Variants in GET4 observed in about 807,000 individuals in gnomAD.
GET4 encodes the protein Golgi to ER traffic protein 4 homolog.
GET4 carries 20 observed loss-of-function variants against 40.0 expected under a neutral mutation model. The observed-to-expected ratio is 0.50, with a 90% CI of 0.35 to 0.73. The LOEUF (loss-of-function observed/expected upper bound fraction) is 0.73. GET4 is among the 30% of genes least tolerant of loss of function. GET4 has a pLI of 0.01. For missense variants in GET4, 557 were observed against 454.0 expected, an observed-to-expected ratio of 1.23 and a Z score of -2.06; for synonymous variants, 280 against 194.6, an observed-to-expected ratio of 1.44 and a Z score of -3.65.
chr7:892,328 A>G lies in GET4; in HGVS notation c.656A>G (p.Tyr219Cys). 2 of 1,596,186 alleles carry G rather than the reference A, an allele frequency of 1.3e-6. No homozygotes were observed. Among genetic ancestry groups the G allele is most frequent in the Non-Finnish European group, 1.7e-6 (2 of 1,164,894 alleles). The change falls in exon 6 of 9, where the codon TAC becomes TGC. Residue 219 changes from tyrosine (Y) to cysteine (C), a missense_variant. Coordinates refer to ENST00000265857, the MANE Select transcript of GET4 (RefSeq NM_015949.3). ...KSSASVVFTT[Y>C]TQKHPSIEDG... Reference sequence around the variant, plus strand: ...AGCGCATCGGTGGTCTTCACGACGTACACCCAGAAGCACCCGTCCATCGAG... The same window carrying G: ...AGCGCATCGGTGGTCTTCACGACGTGCACCCAGAAGCACCCGTCCATCGAG...
rs1377111309 is a variant in GET4, at chr7:895,573, T to G, written c.*151T>G. 1 of 511,170 alleles carries G rather than the reference T, an allele frequency of 2.0e-6. No homozygotes were observed. Among genetic ancestry groups the G allele is most frequent in the Non-Finnish European group, 3.5e-6 (1 of 283,838 alleles). The allele number at this position is 511,170 out of a possible 1,614,324, so 31.7% of individuals were successfully genotyped here. Reference sequence around the variant, plus strand: ...CGCGTGTCTGTTTCTGTGCGGCGGCTCAGGGTGGCGCGGCTGCTGCTCACT... The same window carrying G: ...CGCGTGTCTGTTTCTGTGCGGCGGCGCAGGGTGGCGCGGCTGCTGCTCACT... On this transcript the variant is annotated 3_prime_UTR_variant, in exon 9 of 9. Transcript: ENST00000265857.
chr7:891,022 C>T lies in GET4; in HGVS notation c.561C>T (p.Gly187=). The change falls in exon 5 of 9, where the codon GGC becomes GGT. Residue 187 remains glycine (G), a synonymous_variant. Transcript: ENST00000265857. The part of the protein sequence containing the change: ...NMLVEYSTSR[G]FRSEVDMFVA... Reference sequence around the variant, plus strand: ...TGGTGGAGTATTCCACGTCCCGCGGCTTCCGCAGCGAGGTGGACATGTTCG... The same window carrying T: ...TGGTGGAGTATTCCACGTCCCGCGGTTTCCGCAGCGAGGTGGACATGTTCG... 6.2e-7 allele frequency: 1 copy of T among 1,611,148 alleles called. No individual in the cohort carries two copies. Among genetic ancestry groups the T allele is most frequent in the Non-Finnish European group, 8.5e-7 (1 of 1,177,756 alleles).
Position 895,317 on chromosome 7 carries a change from G to GGT in GET4, c.896-14_896-13dup. 1 of 1,379,216 alleles carries GGT rather than the reference G, an allele frequency of 7.3e-7. No individual in the cohort carries two copies. Among genetic ancestry groups the GGT allele is most frequent in the South Asian group, 1.2e-5 (1 of 84,320 alleles). The allele number at this position is 1,379,216 out of a possible 1,614,324, so 85.4% of individuals were successfully genotyped here. A position where few individuals can be genotyped will look rare whatever the true frequency, so the allele number is the denominator to read the frequency against. ...GAGGCTGCCCAGGCGTGACTGCCAC[G>GGT]GTGTTCTTCTTTCCAGGGAACCTTC... is the stretch of plus-strand genomic sequence containing the variant. On this transcript the variant is annotated splice_polypyrimidine_tract_variant and intron_variant, in intron 8 of 8. Coordinates refer to ENST00000265857, the MANE Select transcript of GET4 (RefSeq NM_015949.3).
At chr7:890,832 A>T in intron 4 of GET4, 96 bp from the exon 5 acceptor site, 1 of 995,456 alleles carries the variant, frequency 1.0e-6, no homozygotes, top group Admixed American at 1.8e-5. Flanking sequence ...CAGGGCGGGC[A>T]GGTGGGCTAG....
intron 1 of GET4, 192 bp from the exon 2 acceptor site, chr7:885,864 A>T: frequency 1.7e-6 from 1 of 596,334 alleles, no homozygotes; most frequent in Non-Finnish European, 3.0e-6. Flanking sequence ...GAGGCGCCCC[A>T]TGCAGCCCTC....
chr7:892,936 CGT>C (rs1404848292), intron 6 of GET4, among the ~76,000 whole-genome samples: 2 of 148,604 alleles, frequency 1.3e-5, no homozygotes, highest in African/African-American at 5.0e-5. Context: ...TGGGTATAGA[CGT>C]GGCATGGGTT....
At chr7:877,931 C>T (rs1257964468) in intron 1 of GET4, 10 of 136,788 alleles carry the variant, frequency 7.3e-5, no homozygotes. Context: ...TCCCCCCTGG[C>T]CTCCACCTGT....
At chr7:891,276 C>G (rs1227705632) in intron 5 of GET4, among the ~76,000 whole-genome samples, 1 of 152,246 alleles carries the variant, frequency 6.6e-6, no homozygotes, top group African/African-American at 2.4e-5. Flanking sequence ...TCCCCCTTTC[C>G]CGACGGGCAC....
chr7:895,317 G>A lies in GET4; in HGVS notation c.896-17G>A, dbSNP rs375274038. Reference sequence around the variant, plus strand: ...GAGGCTGCCCAGGCGTGACTGCCACGGTGTTCTTCTTTCCAGGGAACCTTC... The same window carrying A: ...GAGGCTGCCCAGGCGTGACTGCCACAGTGTTCTTCTTTCCAGGGAACCTTC... On this transcript the variant is annotated splice_polypyrimidine_tract_variant and intron_variant, in intron 8 of 8. Coordinates refer to ENST00000265857, the MANE Select transcript of GET4 (RefSeq NM_015949.3). 5.9e-5 allele frequency: 81 copies of A among 1,379,216 alleles called. No individual in the cohort carries two copies. The highest frequency in any genetic ancestry group is 1.8e-4 in the Middle Eastern group (1 of 5,608). 85.4% of individuals were successfully genotyped at this position (1,379,216 alleles called of 1,614,324 possible). A position where few individuals can be genotyped will look rare whatever the true frequency, so the allele number is the denominator to read the frequency against.
At chr7:887,118 C>G (rs1844206744) in intron 3 of GET4, 1 of 662,282 alleles carries the variant, frequency 1.5e-6, no homozygotes, top group Non-Finnish European at 2.8e-6. Flanking sequence ...ACTCCAGCTC[C>G]CCACGGCACC....
Position 876,811 on chromosome 7 carries a change from C to G in GET4, c.155+11C>G. Reference sequence around the variant, plus strand: ...GACCCTGTTCTTCAGGTACCCGCGCCCGGCCCTCGCCGCAGCCCAGCGCCC... The same window carrying G: ...GACCCTGTTCTTCAGGTACCCGCGCGCGGCCCTCGCCGCAGCCCAGCGCCC... On this transcript the variant is annotated intron_variant, in intron 1 of 8. Coordinates refer to ENST00000265857, the MANE Select transcript of GET4 (RefSeq NM_015949.3). The G allele has an allele frequency of 8.5e-7, 1 of 1,175,616 alleles. No individual in the cohort carries two copies. The highest frequency in any genetic ancestry group is 3.2e-5 in the South Asian group (1 of 30,908). The allele number at this position is 1,175,616 out of a possible 1,614,324, so 72.8% of individuals were successfully genotyped here.
Position 896,185 on chromosome 7 carries a change from C to G in GET4, c.*763C>G, listed in dbSNP as rs1165709607. ...TTGGGTGATGATTGATTCTTTCGAC[C>G]TAACATTTTGGGTTTTAACCAAATA... On this transcript the variant is annotated 3_prime_UTR_variant, in exon 9 of 9. Transcript: ENST00000265857. 6.6e-6 allele frequency: 1 copy of G among 152,246 alleles called. No individual in the cohort carries two copies. Among genetic ancestry groups the G allele is most frequent in the South Asian group, 2.1e-4 (1 of 4,836 alleles). 9.4% of individuals were successfully genotyped at this position (152,246 alleles called of 1,614,324 possible). A position where few individuals can be genotyped will look rare whatever the true frequency, so the allele number is the denominator to read the frequency against.
chr7:884,232 G>A (rs974754417), intron 1 of GET4: 32 of 1,303,896 alleles, frequency 2.5e-5, no homozygotes, highest in Non-Finnish European at 3.0e-5. Context: ...CCCCACTGGC[G>A]GCATCGTGAG....
intron 6 of GET4, among the ~76,000 whole-genome samples, chr7:893,179 TGA>T (rs1844374223): frequency 7.3e-6 from 1 of 137,814 alleles, no homozygotes; most frequent in Non-Finnish European, 1.5e-5. Flanking sequence ...TGTTTGCAGG[TGA>T]GTGTTGGGCG....
intron 8 of GET4, among the ~76,000 whole-genome samples, 190 bp from the exon 9 acceptor site, chr7:895,144 G>C (rs1844448582): frequency 1.3e-5 from 2 of 151,554 alleles, no homozygotes; most frequent in African/African-American, 4.8e-5. Flanking sequence ...GAGTATCTCT[G>C]TGGTCGTCGG....
Position 895,330 on chromosome 7 carries a change from C to T in GET4, c.896-4C>T, listed in dbSNP as rs201566004. The stretch of plus-strand genomic sequence containing the variant: ...CGTGACTGCCACGGTGTTCTTCTTT[C>T]CAGGGAACCTTCTGACCAGCCTCAT... On this transcript the variant is annotated splice_region_variant and splice_polypyrimidine_tract_variant and intron_variant, in intron 8 of 8. Coordinates refer to ENST00000265857, the MANE Select transcript of GET4 (RefSeq NM_015949.3). The T allele has an allele frequency of 8.5e-6, 13 of 1,521,292 alleles. 1 individual carries two copies. Among genetic ancestry groups the T allele is most frequent in the Admixed American group, 1.7e-5 (1 of 57,696 alleles). The allele number at this position is 1,521,292 out of a possible 1,614,324, so 94.2% of individuals were successfully genotyped here. A position where few individuals can be genotyped will look rare whatever the true frequency, so the allele number is the denominator to read the frequency against.
At chr7:886,439 C>G in intron 2 of GET4, 130 bp from the exon 3 acceptor site, 1 of 695,586 alleles carries the variant, frequency 1.4e-6, no homozygotes, top group Non-Finnish European at 2.6e-6. Context: ...TGCCAAGGGA[C>G]GTGGTGCTCA....
At position 891,083 on chromosome 7, in the gene GET4, C is replaced by T; in HGVS notation, c.605+17C>T. 4.5e-6 allele frequency: 7 copies of T among 1,568,270 alleles called. No individual in the cohort carries two copies. Among genetic ancestry groups the T allele is most frequent in the Non-Finnish European group, 6.1e-6 (7 of 1,153,408 alleles). On this transcript the variant is annotated intron_variant, in intron 5 of 8. Transcript: ENST00000265857. Reference sequence around the variant, plus strand: ...CGTGCTACAGTAGGTGTCTGTGGCTCTTCGGGTCTCGGCTTCCATTGCTGC... The same window carrying T: ...CGTGCTACAGTAGGTGTCTGTGGCTTTTCGGGTCTCGGCTTCCATTGCTGC...
chr7:876,971 G>A (rs956498307), intron 1 of GET4, among the ~76,000 whole-genome samples, 171 bp downstream of exon 1: 3 of 151,686 alleles, frequency 2.0e-5, no homozygotes, highest in Non-Finnish European at 4.4e-5. Context: ...CGTCTCCGGG[G>A]TCTGGCCCTG....
Sources: gnomAD v4.1 joint callset for allele counts (sites outside exome capture counted in the v4.1 genomes callset) on GRCh38, gnomAD v4.1.1 for gene constraint, MANE v1.5 for transcripts, NCBI Gene and HGNC (gene_info 2026-07-23, HGNC 2026-07-21) for gene names.